FASTKD3: variants seen among roughly 807,000 people sequenced by gnomAD.
FASTKD3 encodes FAST kinase domain-containing protein 3, mitochondrial.
FASTKD3 carries 47 observed loss-of-function variants against 49.7 expected under a neutral mutation model. That is an observed-to-expected ratio of 0.95 (90% CI 0.75 to 1.21). FASTKD3 has a LOEUF of 1.21. FASTKD3 is among the 50% of genes most tolerant of loss of function. FASTKD3 has a pLI of 0.00. For synonymous variants in FASTKD3, 284 were observed against 288.6 expected (o/e 0.98, Z 0.16); for missense variants, 748 against 765.7 (o/e 0.98, Z 0.27).
At chr5:7,861,855 T>G in intron 4 of FASTKD3, 1 of 1,160,030 alleles carries the variant, frequency 8.6e-7, no homozygotes, top group Non-Finnish European at 1.1e-6. Flanking sequence ...AGCCTTAAAT[T>G]AAGAAAGCTC....
At position 7,867,554 on chromosome 5, in the gene FASTKD3, C is replaced by T. The variant is rs887032322; in HGVS notation, c.530G>A (p.Ser177Asn). ...EKEPSQLSNT[S>N]LVTALQALIL... ...CAGAGCTTGCAAAGCAGTCACTAAACTAGTGTTTGACAGCTGTGAGGGCTC... is the reference window on the plus strand; with the variant it reads ...CAGAGCTTGCAAAGCAGTCACTAAATTAGTGTTTGACAGCTGTGAGGGCTC... Residue 177 changes from serine to asparagine, a missense_variant, in exon 2 of 7, where the codon AGT (serine) becomes AAT (asparagine). Ser to Asn is a conservative substitution (Grantham distance 46). This residue lies in a region of FASTKD3 where 564 missense variants were observed against 562.8 expected (regional missense o/e 1.00). Transcript: ENST00000264669. The T allele has an allele frequency of 6.2e-7, 1 of 1,614,260 alleles. No homozygotes were observed. The highest frequency in any genetic ancestry group is 8.5e-7 in the Non-Finnish European group (1 of 1,180,050).
chr5:7,864,790 T>C (rs1261163413), intron 3 of FASTKD3, among the ~76,000 whole-genome samples: 1 of 149,268 alleles, frequency 6.7e-6, no homozygotes, highest in African/African-American at 2.6e-5. Context: ...GCTGGGGAAA[T>C]GTGACATCTG....
Position 7,867,811 on chromosome 5 carries a change from T to C in FASTKD3, c.273A>G (p.Glu91=). 6.2e-7 allele frequency: 1 copy of C among 1,614,234 alleles called. No homozygotes were observed. Among genetic ancestry groups the C allele is most frequent in the Non-Finnish European group, 8.5e-7 (1 of 1,180,040 alleles). The part of the protein sequence containing the change: ...FSQVSDCDRL[E]QNVKNEESQM... ...GACTCTCCTCATTTTTAACATTTTG[T>C]TCAAGCCTGTCGCAGTCAGATACTT... is the stretch of plus-strand genomic sequence containing the variant. The change falls in exon 2 of 7, where the codon GAA becomes GAG. Residue 91 remains glutamate (E), a synonymous_variant. Transcript: ENST00000264669.
At chr5:7,865,764 C>G (rs1746901440) in intron 3 of FASTKD3, 134 bp downstream of exon 3, 1 of 636,240 alleles carries the variant, frequency 1.6e-6, no homozygotes, top group Non-Finnish European at 2.8e-6. Context: ...AAAGAAAAGC[C>G]TATCTGGTGG....
intron 3 of FASTKD3, 83 bp downstream of exon 3, chr5:7,865,815 A>T: frequency 9.6e-7 from 1 of 1,043,034 alleles, no homozygotes; most frequent in Non-Finnish European, 1.5e-6. Flanking sequence ...TTTTCAGGTT[A>T]TTGAGACAGA....
rs150488459 is a variant in FASTKD3 at position 7,867,437 on chromosome 5, C to A, written c.647G>T (p.Arg216Leu). 6.2e-7 allele frequency: 1 copy of A among 1,614,192 alleles called. No individual in the cohort carries two copies. Among genetic ancestry groups the A allele is most frequent in the Non-Finnish European group, 8.5e-7 (1 of 1,180,046 alleles). Residue 216 changes from arginine to leucine, a missense_variant, in exon 2 of 7, where the codon CGC (arginine) becomes CTC (leucine). Transcript: ENST00000264669. ...ACTTTCCCCAAGAATACAAAGATTG[C>A]GAACTTCCATGCCACCTTTTCTGAG... ...NRLRKGGMEV[R>L]NLCILGESLI...
chr5:7,868,034 T>C lies in FASTKD3; in HGVS notation c.50A>G (p.Gln17Arg), dbSNP rs751102537. ...RKNLYRLSDF[Q>R]MHRALAALKN... ...TAAAGCAGCCAGAGCTCTATGCATC[T>C]GAAAATCAGATAAACGATAAAGGTT... The change falls in exon 2 of 7, where the codon CAG (glutamine) becomes CGG (arginine). Residue 17 changes from glutamine to arginine, a missense_variant. Gln to Arg is a conservative substitution (Grantham distance 43). Coordinates refer to ENST00000264669, the MANE Select transcript of FASTKD3 (RefSeq NM_024091.4). The C allele has an allele frequency of 3.1e-6, 5 of 1,613,156 alleles. No individual in the cohort carries two copies. The highest frequency in any genetic ancestry group is 1.3e-5 in the African/African-American group (1 of 74,998).
At chr5:7,860,646 C>G (rs1383945538) in intron 6 of FASTKD3, among the ~76,000 whole-genome samples, 5 of 152,120 alleles carry the variant, frequency 3.3e-5, no homozygotes, top group Admixed American at 3.3e-4. Context: ...ACTGGGCTGG[C>G]AAACCAGTTA....
chr5:7,868,888 C>T (rs1483780716), intron 1 of FASTKD3, 91 bp downstream of exon 1: 1 of 576,400 alleles, frequency 1.7e-6, no homozygotes, highest in Non-Finnish European at 3.1e-6. Flanking sequence ...CGCTGAGACA[C>T]GGGCCGGGCG....
intron 3 of FASTKD3, among the ~76,000 whole-genome samples, chr5:7,863,586 C>T (rs1311518765): frequency 6.6e-6 from 1 of 152,054 alleles, no homozygotes; most frequent in Admixed American, 6.5e-5. Flanking sequence ...CACTTCTGGT[C>T]CTGAGCATTT....
In FASTKD3 at chr5:7,867,663, C is replaced by G. The variant is rs770611081; in HGVS notation, c.421G>C (p.Glu141Gln). The change falls in exon 2 of 7, where the codon GAA becomes CAA. Residue 141 changes from glutamate to glutamine, a missense_variant. By Grantham distance (29) the Glu-to-Gln change is conservative (BLOSUM62 2). This residue lies in a region of FASTKD3 where 564 missense variants were observed against 562.8 expected (regional missense o/e 1.00). Coordinates refer to ENST00000264669, the MANE Select transcript of FASTKD3 (RefSeq NM_024091.4). ...AGCCCTTGATCACCATCCTTTTTTT[C>G]CACTTCACAAATTCGTTGTAAAGCT... The part of the protein sequence containing the change: ...AGALQRICEV[E>Q]KKDGDQGLPK... The G allele has an allele frequency of 6.2e-7, 1 of 1,614,140 alleles. No homozygotes were observed. The highest frequency in any genetic ancestry group is 8.5e-7 in the Non-Finnish European group (1 of 1,180,006).
At chr5:7,861,801 A>C in intron 4 of FASTKD3, 149 bp from the exon 5 acceptor site, 3 of 1,360,510 alleles carry the variant, frequency 2.2e-6, no homozygotes, top group East Asian at 2.9e-5. Flanking sequence ...CAACCAAACA[A>C]TGGTGAGAAT....
chr5:7,861,789 C>A, intron 4 of FASTKD3, 137 bp from the exon 5 acceptor site: 1 of 1,400,992 alleles, frequency 7.1e-7, no homozygotes, highest in South Asian at 1.7e-5. Flanking sequence ...AAGTAATGAC[C>A]ACAACCAAAC....
Position 7,861,256 on chromosome 5 carries a change from G to A in FASTKD3, c.1777C>T (p.Leu593=). Residue 593 remains leucine (L), a synonymous_variant, in exon 6 of 7, where the codon CTG becomes TTG. Coordinates refer to ENST00000264669, the MANE Select transcript of FASTKD3 (RefSeq NM_024091.4). ...AACCTTTTTGGACCATCAATACACAGTGCTATCCTGAAAAATAAAAAAGGA... is the reference window on the plus strand; with the variant it reads ...AACCTTTTTGGACCATCAATACACAATGCTATCCTGAAAAATAAAAAAGGA... ...ANEDIHKRIA[L]CIDGPKRFCS... The A allele has an allele frequency of 1.3e-6, 2 of 1,519,154 alleles. No homozygotes were observed. Among genetic ancestry groups the A allele is most frequent in the Non-Finnish European group, 8.9e-7 (1 of 1,123,742 alleles). 94.1% of individuals were successfully genotyped at this position (1,519,154 alleles called of 1,614,324 possible). A position where few individuals can be genotyped will look rare whatever the true frequency, so the allele number is the denominator to read the frequency against.
In FASTKD3 at chr5:7,866,756, A is replaced by G; in HGVS notation, c.1328T>C (p.Phe443Ser). The G allele has an allele frequency of 6.2e-7, 1 of 1,614,098 alleles. No individual in the cohort carries two copies. The highest frequency in any genetic ancestry group is 8.5e-7 in the Non-Finnish European group (1 of 1,179,968). The change falls in exon 2 of 7, where the codon TTT (phenylalanine) becomes TCT (serine). Residue 443 changes from phenylalanine to serine, a missense_variant. Coordinates refer to ENST00000264669, the MANE Select transcript of FASTKD3 (RefSeq NM_024091.4). ...ENVLFTHFNY[F>S]PPKSLLKLLH... ...AAGTTTCAATAATGATTTGGGTGGA[A>G]AATAATTGAAATGAGTGAATAGCAC...
At chr5:7,863,772 A>T (rs368230411) in intron 3 of FASTKD3, among the ~76,000 whole-genome samples, 1 of 152,216 alleles carries the variant, frequency 6.6e-6, no homozygotes, top group South Asian at 2.1e-4. Context: ...CAGGTGTACA[A>T]CATGCTGACT....
At position 7,859,228 on chromosome 5, in the gene FASTKD3, T is replaced by C. The variant is rs1561088304; in HGVS notation, c.*207A>G. ...GATCAATTGTTTGATGTACAAAAAG[T>C]ATCTATGACACTAGTATTAAATTAA... is the stretch of plus-strand genomic sequence containing the variant. On this transcript the variant is annotated 3_prime_UTR_variant, in exon 7 of 7. Coordinates refer to ENST00000264669, the MANE Select transcript of FASTKD3 (RefSeq NM_024091.4). 2 of 340,586 alleles carry C rather than the reference T, an allele frequency of 5.9e-6. No homozygotes were observed. The highest frequency in any genetic ancestry group is 1.0e-5 in the Non-Finnish European group (2 of 190,572). 21.1% of individuals were successfully genotyped at this position (340,586 alleles called of 1,614,324 possible).
intron 4 of FASTKD3, among the ~76,000 whole-genome samples, chr5:7,862,313 T>C (rs900364103): frequency 6.6e-6 from 1 of 152,166 alleles, no homozygotes; most frequent in African/African-American, 2.4e-5. Flanking sequence ...GAAATCTTTA[T>C]AATGGTGCTG....
chr5:7,864,734 A>G (rs1337973826), intron 3 of FASTKD3, among the ~76,000 whole-genome samples: 2 of 152,144 alleles, frequency 1.3e-5, no homozygotes, highest in East Asian at 3.8e-4. Context: ...GAGACTACTA[A>G]CACACTGCAA....
Sources: allele counts gnomAD v4.1 joint callset (sites outside exome capture counted in the v4.1 genomes callset), GRCh38; gene constraint gnomAD v4.1.1; regional missense constraint gnomAD v4.1.1; transcripts MANE v1.5; gene names NCBI Gene and HGNC (gene_info 2026-07-23, HGNC 2026-07-21).